Variants in COL4A4 observed in about 807,000 individuals in gnomAD.
COL4A4 encodes the protein collagen type IV alpha 4 chain, also known as collagen alpha-4(IV) chain.
Under a neutral mutation model 192.9 loss-of-function variants are expected in COL4A4, and 105 were observed. The ratio of observed to expected loss-of-function variants is 0.54; its 90% CI spans 0.46 to 0.64. The LOEUF is 0.64. Ranked by LOEUF, COL4A4 falls within the 30% of genes least tolerant of loss-of-function variation. The probability of loss-of-function intolerance (pLI) is 0.00; values close to 1 mark genes in which losing one functional copy is unlikely to be tolerated. For synonymous variants in COL4A4, 762 were observed against 769.9 expected (o/e 0.99, Z 0.17); for missense variants, 1,967 against 2,169.3 (o/e 0.91, Z 1.85).
At chr2:227,045,843 T>TTTAG (rs1559487910) in intron 35 of COL4A4, among the ~76,000 whole-genome samples, 16 of 33,472 alleles carry the variant, frequency 4.8e-4, no homozygotes, top group African/African-American at 2.3e-3. Context: ...CACACATATA[T>TTTAG]ATATACACAT....
At chr2:227,110,063 G>A (rs2061104951) in intron 9 of COL4A4, among the ~76,000 whole-genome samples, 1 of 152,124 alleles carries the variant, frequency 6.6e-6, no homozygotes, top group Non-Finnish European at 1.5e-5. Context: ...CCTAATTTGA[G>A]ATCAAGATGA....
chr2:227,049,339 G>A (rs182573771), intron 34 of COL4A4, among the ~76,000 whole-genome samples: 15 of 152,280 alleles, frequency 9.9e-5, no homozygotes, highest in African/African-American at 3.1e-4. Context: ...ACTAAGGCCC[G>A]TGGGGCCAAA....
intron 1 of COL4A4, among the ~76,000 whole-genome samples, chr2:227,159,224 G>A (rs570600567): frequency 2.2e-4 from 34 of 152,282 alleles, no homozygotes; most frequent in African/African-American, 7.5e-4. Context: ...AGTATACACG[G>A]TATAATTCCG....
chr2:227,145,195 C>G (rs1344351450), intron 2 of COL4A4, among the ~76,000 whole-genome samples: 1 of 152,130 alleles, frequency 6.6e-6, no homozygotes, highest in Non-Finnish European at 1.5e-5. Context: ...GGCTTGTAAT[C>G]CCAGAACTTT....
chr2:227,002,747 T>C lies in COL4A4; in HGVS notation c.*4578A>G, dbSNP rs1275299061. On this transcript the variant is annotated 3_prime_UTR_variant, in exon 48 of 48. Transcript: ENST00000396625. ...AGTCATCACAGAATTTTATATATAA[T>C]GAACCATATTATAAATCGTAATACA... 1 of 152,652 alleles carries C rather than the reference T, an allele frequency of 6.6e-6. No homozygotes were observed. Among genetic ancestry groups the C allele is most frequent in the Non-Finnish European group, 1.5e-5 (1 of 68,032 alleles). 9.5% of individuals were successfully genotyped at this position (152,652 alleles called of 1,614,324 possible).
Position 227,062,236 on chromosome 2 carries a change from C to CA in COL4A4, c.2056+293dup, listed in dbSNP as rs56292638. Among the ~76,000 whole-genome samples the CA allele has an allele frequency of 1.1e-3, 142 of 132,908 alleles. 1 individual carries two copies. Among genetic ancestry groups the CA allele is most frequent in the East Asian group, 2.2e-3 (9 of 4,170 alleles). The allele number at this position is 132,908 out of a possible 152,430, so 87.2% of individuals were successfully genotyped here. On this transcript the variant is annotated intron_variant, in intron 26 of 47. Coordinates refer to ENST00000396625, the MANE Select transcript of COL4A4 (RefSeq NM_000092.5). ...CGGGAGACAAAGTGAGACTCCGTCT[C>CA]AAAAAAAAAAAAAAAACTTTCAAGG...
Position 227,121,080 on chromosome 2 carries a change from A to T in COL4A4, c.261T>A (p.Leu87=). 6.2e-7 allele frequency: 1 copy of T among 1,614,096 alleles called. No homozygotes were observed. Among genetic ancestry groups the T allele is most frequent in the Non-Finnish European group, 8.5e-7 (1 of 1,180,004 alleles). ...GPLGAPGPIG[L]SGEKGMRGDR... ...CCCCTCTCATTCCTTTCTCTCCTGAAAGCCCAATGGGTCCTGGGGCTCCCA... is the reference window on the plus strand; with the variant it reads ...CCCCTCTCATTCCTTTCTCTCCTGATAGCCCAATGGGTCCTGGGGCTCCCA... Residue 87 remains leucine, a synonymous_variant, in exon 5 of 48, where the codon CTT becomes CTA. Transcript: ENST00000396625.
the COL4A4 span, among the ~76,000 whole-genome samples, chr2:226,990,363 G>T: frequency 6.6e-6 from 1 of 152,150 alleles, no homozygotes; most frequent in African/African-American, 2.4e-5. Flanking sequence ...AAATCCCAGA[G>T]AACACTGGTG....
intron 1 of COL4A4, among the ~76,000 whole-genome samples, chr2:227,150,914 T>C (rs988556804): frequency 6.6e-6 from 1 of 152,044 alleles, no homozygotes. Flanking sequence ...CTTTTTTTTT[T>C]TTTAACATCT....
chr2:227,030,285 T>G (rs1967994757), intron 41 of COL4A4, among the ~76,000 whole-genome samples, 158 bp downstream of exon 41: 1 of 152,190 alleles, frequency 6.6e-6, no homozygotes, highest in African/African-American at 2.4e-5. Context: ...TTGTCCAACT[T>G]TGACCCAAAC....
chr2:227,024,971 G>T (rs895135473), intron 43 of COL4A4, among the ~76,000 whole-genome samples: 2 of 152,190 alleles, frequency 1.3e-5, no homozygotes, highest in East Asian at 1.9e-4. Flanking sequence ...AGAGAGACAG[G>T]ATTGAAATGA....
rs910032722 is a variant in COL4A4 at position 227,123,958 on chromosome 2, G to A, written c.193-2810C>T. ...TGTTTCTTAACCTCTCTGTTCCTTG[G>A]CATCTTTATCTGTCAATGGCTTATG... On this transcript the variant is annotated intron_variant, in intron 4 of 47. Transcript: ENST00000396625. The surrounding 1 kb of genome is among the most constrained non-coding windows in gnomAD (Gnocchi z 4.6). Among the ~76,000 whole-genome samples the A allele has an allele frequency of 6.6e-6, 1 of 152,104 alleles. No individual in the cohort carries two copies. The highest frequency in any genetic ancestry group is 1.9e-4 in the East Asian group (1 of 5,194).
In COL4A4 at chr2:227,054,702, C is replaced by T. The variant is rs372606845; in HGVS notation, c.2752G>A (p.Gly918Arg). The T allele has an allele frequency of 1.2e-5, 20 of 1,614,046 alleles. No individual in the cohort carries two copies. Among genetic ancestry groups the T allele is most frequent in the East Asian group, 1.1e-4 (5 of 44,900 alleles). The change falls in exon 31 of 48, where the codon GGA becomes AGA. Residue 918 changes from glycine (G) to arginine (R), a missense_variant. Gly to Arg is a moderately radical substitution (Grantham distance 125). Transcript: ENST00000396625. ...TCTGCACCAGGCTTTCCTCTTTCTC[C>T]GGGAAAACCTGGGAAACCAGGCAGC... Reference protein sequence around the residue: ...RGLPGFPGFPGERGKPGAEGC... With the variant: ...RGLPGFPGFPRERGKPGAEGC...
chr2:227,160,572 T>C (rs1234220933), intron 1 of COL4A4, among the ~76,000 whole-genome samples: 1 of 152,158 alleles, frequency 6.6e-6, no homozygotes, highest in Non-Finnish European at 1.5e-5. Flanking sequence ...CCTCCCCATG[T>C]CCCGTGATGA....
chr2:227,050,335 A>G (rs1000698242), intron 33 of COL4A4, among the ~76,000 whole-genome samples: 4 of 152,202 alleles, frequency 2.6e-5, no homozygotes, highest in African/African-American at 9.7e-5. Flanking sequence ...TAGAGTTCTC[A>G]GTCGCAACTG....
At chr2:227,012,739 G>T (rs183601444) in intron 44 of COL4A4, among the ~76,000 whole-genome samples, 12 of 151,836 alleles carry the variant, frequency 7.9e-5, no homozygotes, top group Non-Finnish European at 1.3e-4. Flanking sequence ...AAACTTAATC[G>T]GTTTCATTTG....
Position 227,144,864 on chromosome 2 carries a change from T to G in COL4A4, c.72-306A>C, listed in dbSNP as rs2063445077. On this transcript the variant is annotated intron_variant, in intron 2 of 47. Coordinates refer to ENST00000396625, the MANE Select transcript of COL4A4 (RefSeq NM_000092.5). The stretch of plus-strand genomic sequence containing the variant: ...GGGACAGATGAGTGAAAGAAGATGA[T>G]TCTCAGAATGAAAACTGCAGGAGAG... Among the ~76,000 whole-genome samples, 3 of 152,236 alleles carry G rather than the reference T, an allele frequency of 2.0e-5. No individual in the cohort carries two copies. The South Asian group carries it at 6.2e-4, about 32-fold the overall frequency.
intron 19 of COL4A4, among the ~76,000 whole-genome samples, chr2:227,094,741 A>C (rs1435783274): frequency 6.6e-6 from 1 of 152,248 alleles, no homozygotes; most frequent in Non-Finnish European, 1.5e-5. Context: ...TGTAGACGTG[A>C]CAAATAGGTT....
In COL4A4 at chr2:227,032,274, A is replaced by G; in HGVS notation, c.3580T>C (p.Leu1194=). ...GGACCAGGTGGCCCCACATCATGCA[A>G]ACCTTAATGGGGAAAACAGAATTAA... is the stretch of plus-strand genomic sequence containing the variant. The part of the protein sequence containing the change: ...GQKGTKGASG[L]HDVGPPGPVG... The change falls in exon 39 of 48, where the codon TTG becomes CTG. Residue 1194 remains leucine (L), a splice_region_variant and synonymous_variant. Coordinates refer to ENST00000396625, the MANE Select transcript of COL4A4 (RefSeq NM_000092.5). 6.2e-7 allele frequency: 1 copy of G among 1,613,498 alleles called. No homozygotes were observed. The highest frequency in any genetic ancestry group is 8.5e-7 in the Non-Finnish European group (1 of 1,179,666).
Sources: allele counts gnomAD v4.1 joint callset (sites outside exome capture counted in the v4.1 genomes callset), GRCh38; gene constraint gnomAD v4.1.1; non-coding constraint Gnocchi (gnomAD v3.1); transcripts MANE v1.5; gene names NCBI Gene and HGNC (gene_info 2026-07-23, HGNC 2026-07-21).